Variants in ICA1 observed in about 807,000 individuals in gnomAD.
ICA1 encodes islet cell autoantigen 1.
ICA1 carries 40 observed loss-of-function variants against 71.0 expected under a neutral mutation model. That is an observed-to-expected ratio of 0.56 (90% CI 0.44 to 0.73). The LOEUF (loss-of-function observed/expected upper bound fraction) is 0.73, where lower values mean the gene tolerates loss of function less well. Among genes scored for constraint, ICA1 ranks in the 30% least tolerant of loss-of-function variants. The pLI, the probability that ICA1 is intolerant of heterozygous loss-of-function variation, is 0.00. For synonymous variants in ICA1, 207 were observed against 209.5 expected (o/e 0.99, Z 0.10); for missense variants, 578 against 576.5 (o/e 1.00, Z -0.03).
At chr7:8,187,815 C>T (rs1385538785) in intron 6 of ICA1, among the ~76,000 whole-genome samples, 2 of 152,192 alleles carry the variant, frequency 1.3e-5, no homozygotes, top group South Asian at 2.1e-4. Context: ...CAGATTTGCA[C>T]AGATTTAGTA....
At chr7:8,242,069 AT>A (rs1428756908) in intron 1 of ICA1, among the ~76,000 whole-genome samples, 1 of 152,230 alleles carries the variant, frequency 6.6e-6, no homozygotes, top group Non-Finnish European at 1.5e-5. Context: ...AGCAGACCTA[AT>A]AGACATCTAC....
At chr7:8,208,559 A>G (rs1792453801) in intron 6 of ICA1, among the ~76,000 whole-genome samples, 1 of 152,234 alleles carries the variant, frequency 6.6e-6, no homozygotes, top group African/African-American at 2.4e-5. Flanking sequence ...CTTGGTGAAT[A>G]AGACGACTAG....
intron 6 of ICA1, among the ~76,000 whole-genome samples, chr7:8,185,359 T>C (rs1392551385): frequency 6.6e-6 from 1 of 152,178 alleles, no homozygotes; most frequent in African/African-American, 2.4e-5. Flanking sequence ...CACCCATCCA[T>C]GCATCTGGCC....
At chr7:8,189,409 T>C (rs911215356) in intron 6 of ICA1, among the ~76,000 whole-genome samples, 1 of 152,232 alleles carries the variant, frequency 6.6e-6, no homozygotes, top group Admixed American at 6.5e-5. Context: ...GTGCTAGAGC[T>C]GGACCCAGAA....
Position 8,208,955 on chromosome 7 carries a change from C to T in ICA1, c.579+9350G>A, listed in dbSNP as rs570062267. Among the ~76,000 whole-genome samples, 4 of 152,264 alleles carry T rather than the reference C, an allele frequency of 2.6e-5. No individual in the cohort carries two copies. The East Asian group carries it at 7.7e-4, about 29-fold the overall frequency. ...GGCTCAATTTACGGCAGTATTTTGA[C>T]CTGGAACTTGATGGTTCCACTCAGT... On this transcript the variant is annotated intron_variant, in intron 6 of 13. Coordinates refer to ENST00000402384, the MANE Select transcript of ICA1 (RefSeq NM_001136020.3).
Position 8,144,033 on chromosome 7 carries a change from AAAAAG to A in ICA1, c.805-66_805-62del, listed in dbSNP as rs1377092916. On this transcript the variant is annotated intron_variant, in intron 8 of 13. Coordinates refer to ENST00000402384, the MANE Select transcript of ICA1 (RefSeq NM_001136020.3). The surrounding 1 kb of genome is among the most constrained non-coding windows in gnomAD (Gnocchi z 4.5). ...AAAAAGAAGAAGAAATAGAGACAAA[AAAAAG>A]AAAAGAAAGGTTATCAATTAAAAAA... 1.0e-6 allele frequency: 1 copy of A among 978,962 alleles called. No homozygotes were observed. Among genetic ancestry groups the A allele is most frequent in the Non-Finnish European group, 1.5e-6 (1 of 647,626 alleles). 60.6% of individuals were successfully genotyped at this position (978,962 alleles called of 1,614,324 possible). A position where few individuals can be genotyped will look rare whatever the true frequency, so the allele number is the denominator to read the frequency against.
chr7:8,170,609 A>G (rs1408113381), intron 6 of ICA1, among the ~76,000 whole-genome samples: 1 of 152,008 alleles, frequency 6.6e-6, no homozygotes, highest in Non-Finnish European at 1.5e-5. Context: ...AAAAAATTCA[A>G]TTGCTAATTG....
At chr7:8,139,996 T>C (rs1384000169) in intron 10 of ICA1, among the ~76,000 whole-genome samples, 2 of 152,224 alleles carry the variant, frequency 1.3e-5, no homozygotes, top group Non-Finnish European at 2.9e-5. Flanking sequence ...ATGATCGACA[T>C]TTACAATCTC....
At chr7:8,143,836 T>C in intron 9 of ICA1, 39 bp downstream of exon 9, 2 of 1,325,102 alleles carry the variant, frequency 1.5e-6, no homozygotes, top group Non-Finnish European at 2.2e-6. Flanking sequence ...CTCTCACCTG[T>C]GGGAAGAAAG....
chr7:8,125,244 T>C (rs1188559892), intron 13 of ICA1, among the ~76,000 whole-genome samples: 1 of 152,140 alleles, frequency 6.6e-6, no homozygotes, highest in Non-Finnish European at 1.5e-5. Flanking sequence ...TGAAAAAAGG[T>C]CTAAGTTCTT....
chr7:8,203,459 T>G (rs1790440003), intron 6 of ICA1, among the ~76,000 whole-genome samples: 1 of 152,342 alleles, frequency 6.6e-6, no homozygotes, highest in South Asian at 2.1e-4. Flanking sequence ...GAACATCAGC[T>G]ATTTCACGAT....
At chr7:8,174,780 C>CCAAAAA (rs1780047414) in intron 6 of ICA1, among the ~76,000 whole-genome samples, 2 of 40,386 alleles carry the variant, frequency 5.0e-5, no homozygotes, top group African/African-American at 9.4e-5. Context: ...AAAAAAAAAA[C>CCAAAAA]AGAGAGAGAG....
chr7:8,221,657 A>T (rs1797120139), intron 4 of ICA1, among the ~76,000 whole-genome samples: 1 of 152,154 alleles, frequency 6.6e-6, no homozygotes, highest in Non-Finnish European at 1.5e-5. Flanking sequence ...AGAACTAGAA[A>T]ATGACCTCTG....
intron 1 of ICA1, among the ~76,000 whole-genome samples, chr7:8,243,921 C>T (rs978890624): frequency 5.3e-5 from 8 of 152,086 alleles, no homozygotes; most frequent in African/African-American, 1.9e-4. Flanking sequence ...TAAAAGAGGA[C>T]ACAAACAAAT....
chr7:8,138,849 C>A lies in ICA1; in HGVS notation c.1051G>T (p.Glu351Ter). Residue 351 changes from glutamate (E) to a stop codon, truncating the protein, a stop_gained, in exon 12 of 14, where the codon GAG (glutamate) becomes TAG (stop). Coordinates refer to ENST00000402384, the MANE Select transcript of ICA1 (RefSeq NM_001136020.3). LOFTEE classifies it high-confidence loss of function. ...AACACATAAATCTTACCACCTTCCTCAGATTTCATGTCTAATAGTTCATCT... is the reference window on the plus strand; with the variant it reads ...AACACATAAATCTTACCACCTTCCTAAGATTTCATGTCTAATAGTTCATCT... Reference protein sequence around the residue: ...PIDELLDMKSEEGACLGPVAG... With the variant: ...PIDELLDMKS 1 of 1,603,440 alleles carries A rather than the reference C, an allele frequency of 6.2e-7. No individual in the cohort carries two copies. Among genetic ancestry groups the A allele is most frequent in the South Asian group, 1.1e-5 (1 of 90,210 alleles).
At chr7:8,220,421 A>G (rs1237819973) in intron 5 of ICA1, among the ~76,000 whole-genome samples, 1 of 152,220 alleles carries the variant, frequency 6.6e-6, no homozygotes, top group East Asian at 1.9e-4. Context: ...AGGAGACATT[A>G]ACAGAAGAAA....
chr7:8,115,748 C>T (rs1052590279), intron 13 of ICA1, among the ~76,000 whole-genome samples: 11 of 152,250 alleles, frequency 7.2e-5, no homozygotes, highest in African/African-American at 2.4e-4. Flanking sequence ...AGAGCTAGAG[C>T]TGCAAACACA....
intron 1 of ICA1, among the ~76,000 whole-genome samples, chr7:8,240,906 G>A (rs1803607784): frequency 6.6e-6 from 1 of 152,196 alleles, no homozygotes; most frequent in Non-Finnish European, 1.5e-5. Context: ...CAAGAAATAA[G>A]GGACTATGTG....
Position 8,232,767 on chromosome 7 carries a change from T to A in ICA1, c.18-12A>T. 6.4e-7 allele frequency: 1 copy of A among 1,572,790 alleles called. No homozygotes were observed. The highest frequency in any genetic ancestry group is 8.6e-7 in the Non-Finnish European group (1 of 1,160,938). ...CCCAGGGATAACTGCTAAAAACATT[T>A]AAAGAACTATTTTATTCACACCTTT... On this transcript the variant is annotated splice_polypyrimidine_tract_variant and intron_variant, in intron 2 of 13. Coordinates refer to ENST00000402384, the MANE Select transcript of ICA1 (RefSeq NM_001136020.3).
Sources: allele counts gnomAD v4.1 joint callset (sites outside exome capture counted in the v4.1 genomes callset), GRCh38; gene constraint gnomAD v4.1.1; non-coding constraint Gnocchi (gnomAD v3.1); transcripts MANE v1.5; gene names NCBI Gene and HGNC (gene_info 2026-07-23, HGNC 2026-07-21).